Variants in OPCML observed in about 807,000 individuals in gnomAD.
OPCML encodes opioid-binding protein/cell adhesion molecule.
In OPCML, 13 loss-of-function variants were observed where a neutral mutation model predicts 37.8. The observed-to-expected ratio is 0.34, with a 90% CI of 0.22 to 0.55. The LOEUF (loss-of-function observed/expected upper bound fraction) is 0.55, where lower values mean the gene tolerates loss of function less well. Ranked by LOEUF, OPCML falls within the 20% of genes least tolerant of loss-of-function variation. The pLI, the probability that OPCML is intolerant of heterozygous loss-of-function variation, is 0.91. For synonymous variants in OPCML, 176 were observed against 168.8 expected, an observed-to-expected ratio of 1.04 and a Z score of -0.33; for missense variants, 341 against 435.6, an observed-to-expected ratio of 0.78 and a Z score of 1.93.
chr11:133,132,818 T>C (rs1949626812), intron 1 of OPCML, among the ~76,000 whole-genome samples: 1 of 147,540 alleles, frequency 6.8e-6, no homozygotes, highest in South Asian at 2.1e-4. Context: ...TCCACTGTGA[T>C]AGAAGCGATC....
intron 1 of OPCML, among the ~76,000 whole-genome samples, chr11:133,019,883 C>T (rs1479726353): frequency 6.6e-6 from 1 of 152,168 alleles, no homozygotes; most frequent in African/African-American, 2.4e-5. Flanking sequence ...GCCCACGTAC[C>T]AGCTGAGGGT....
At position 133,006,221 on chromosome 11, in the gene OPCML, TC is replaced by T. The variant is rs1182108049; in HGVS notation, c.62-63212del. 2.3e-5 allele frequency: 16 copies of T among 698,718 alleles called. No individual in the cohort carries two copies. In the East Asian group the frequency reaches 2.2e-3, roughly 94 times the overall value. 43.3% of individuals were successfully genotyped at this position (698,718 alleles called of 1,614,324 possible). ...TAGGGAGGAGCCTGGCCCCTCGTCT[TC>T]CTGCGTGGAACCTGGGATTCAAGCT... On this transcript the variant is annotated intron_variant, in intron 1 of 7. Coordinates refer to ENST00000524381, the MANE Select transcript of OPCML (RefSeq NM_001012393.5).
intron 2 of OPCML, among the ~76,000 whole-genome samples, chr11:132,721,180 G>A (rs959019891): frequency 8.5e-5 from 13 of 152,178 alleles, no homozygotes; most frequent in Admixed American, 7.9e-4. Flanking sequence ...GCTGAGAAAC[G>A]AACTTTGTCC....
intron 1 of OPCML, among the ~76,000 whole-genome samples, chr11:133,356,964 T>C (rs952144097): frequency 1.3e-5 from 2 of 152,308 alleles, no homozygotes; most frequent in East Asian, 1.9e-4. Flanking sequence ...ACTAGACAAC[T>C]AGCTAATCCC....
rs548599648 is a variant in OPCML, at chr11:132,571,011, A to T, written c.380-41825T>A. On this transcript the variant is annotated intron_variant, in intron 3 of 7. Transcript: ENST00000524381. ...TAAGTCATTGAAAAGGGAGAGGAAG[A>T]CACATCTTCAATGTGGGTGGGCACC... Among the ~76,000 whole-genome samples, 3 of 151,768 alleles carry T rather than the reference A, an allele frequency of 2.0e-5. No homozygotes were observed. The South Asian group carries it at 6.3e-4, about 32-fold the overall frequency.
At chr11:132,706,632 G>A (rs891346503) in intron 2 of OPCML, among the ~76,000 whole-genome samples, 3 of 152,030 alleles carry the variant, frequency 2.0e-5, no homozygotes, top group South Asian at 2.1e-4. Context: ...TCCATTATGC[G>A]AGCCTCTCCT....
At chr11:132,713,071 T>C (rs543010662) in intron 2 of OPCML, among the ~76,000 whole-genome samples, 1 of 152,268 alleles carries the variant, frequency 6.6e-6, no homozygotes, top group Non-Finnish European at 1.5e-5. Flanking sequence ...CTATCCCCTT[T>C]GTTTCCTCTC....
chr11:132,608,106 A>G (rs1275995041), intron 3 of OPCML, among the ~76,000 whole-genome samples: 1 of 152,220 alleles, frequency 6.6e-6, no homozygotes, highest in Non-Finnish European at 1.5e-5. Context: ...AGATCATCAC[A>G]TGTACCCCAA....
At chr11:133,232,120 C>T (rs1435184087) in intron 1 of OPCML, among the ~76,000 whole-genome samples, 1 of 152,152 alleles carries the variant, frequency 6.6e-6, no homozygotes, top group African/African-American at 2.4e-5. Context: ...ACCATATGCC[C>T]CCATAGCAGA....
intron 4 of OPCML, among the ~76,000 whole-genome samples, chr11:132,490,834 A>T (rs1487756758): frequency 2.0e-5 from 3 of 151,036 alleles, no homozygotes; most frequent in African/African-American, 7.3e-5. Flanking sequence ...AAAAAAAAAA[A>T]GAAATGAAGA....
intron 1 of OPCML, among the ~76,000 whole-genome samples, chr11:133,314,178 T>G (rs919051357): frequency 7.2e-5 from 9 of 124,836 alleles, no homozygotes; most frequent in East Asian, 2.4e-4. Context: ...GAGCTTGCAG[T>G]GAGCCGAGAT....
chr11:132,650,727 C>T (rs545274511), intron 3 of OPCML, among the ~76,000 whole-genome samples: 1 of 152,268 alleles, frequency 6.6e-6, no homozygotes, highest in Non-Finnish European at 1.5e-5. Flanking sequence ...GAGATGCAGG[C>T]CTGCACTTTT....
chr11:132,613,515 G>A (rs1353753829), intron 3 of OPCML, among the ~76,000 whole-genome samples: 2 of 152,128 alleles, frequency 1.3e-5, no homozygotes, highest in African/African-American at 4.8e-5. Context: ...ATTCTTCTCT[G>A]CCAAACCATT....
intron 1 of OPCML, among the ~76,000 whole-genome samples, chr11:133,078,714 A>G (rs74655545): frequency 0.012 from 1,869 of 152,116 alleles, 19 homozygotes; most frequent in Non-Finnish European, 0.019. Context: ...GAGCGCCACA[A>G]TGCTCGCTTT....
chr11:133,314,949 T>C (rs572251010), intron 1 of OPCML, among the ~76,000 whole-genome samples: 26 of 151,714 alleles, frequency 1.7e-4, no homozygotes, highest in Admixed American at 3.9e-4. Flanking sequence ...TTGCTAAACA[T>C]GATAGGACCT....
chr11:133,041,749 G>C (rs1947901308), intron 1 of OPCML, among the ~76,000 whole-genome samples: 1 of 152,186 alleles, frequency 6.6e-6, no homozygotes, highest in South Asian at 2.1e-4. Flanking sequence ...AATGGAAAAG[G>C]ATGGGAGAAT....
At position 132,420,385 on chromosome 11, in the gene OPCML, A is replaced by G. The variant is rs189861173; in HGVS notation, c.917-92T>C. The G allele has an allele frequency of 2.3e-4, 346 of 1,520,188 alleles. 2 individuals are homozygous for G. The African/African-American group carries it at 4.1e-3, about 18-fold the overall frequency. 94.2% of individuals were successfully genotyped at this position (1,520,188 alleles called of 1,614,324 possible). A position where few individuals can be genotyped will look rare whatever the true frequency, so the allele number is the denominator to read the frequency against. ...AAGCAAATACACATACATGCTTCCC[A>G]CCTTCCACCCTTCCGCTGACCATTC... On this transcript the variant is annotated intron_variant, in intron 7 of 7. Coordinates refer to ENST00000524381, the MANE Select transcript of OPCML (RefSeq NM_001012393.5).
At chr11:132,929,125 T>G (rs1945099820) in intron 2 of OPCML, among the ~76,000 whole-genome samples, 1 of 149,994 alleles carries the variant, frequency 6.7e-6, no homozygotes, top group African/African-American at 2.4e-5. Flanking sequence ...ATAAACAAAA[T>G]AGAGAATGGG....
chr11:133,284,967 T>C (rs1170170634), intron 1 of OPCML, among the ~76,000 whole-genome samples: 4 of 151,254 alleles, frequency 2.6e-5, no homozygotes, highest in African/African-American at 9.7e-5. Context: ...GGGGGTGGGG[T>C]GAGGGGTCTT....
Sources: gnomAD v4.1 joint callset for allele counts (sites outside exome capture counted in the v4.1 genomes callset) on GRCh38, gnomAD v4.1.1 for gene constraint, MANE v1.5 for transcripts, NCBI Gene and HGNC (gene_info 2026-07-23, HGNC 2026-07-21) for gene names.